The following PPIG variants were observed in gnomAD, a reference collection of about 807,000 sequenced individuals.
PPIG encodes peptidyl-prolyl cis-trans isomerase G.
Under a neutral mutation model 87.9 loss-of-function variants are expected in PPIG, and 26 were observed. The observed-to-expected ratio is 0.30, with a 90% confidence interval of 0.22 to 0.41. The LOEUF (loss-of-function observed/expected upper bound fraction) is 0.41, where lower values mean the gene tolerates loss of function less well. PPIG is among the 10% of genes least tolerant of loss of function. PPIG has a pLI of 1.00. For missense variants in PPIG, 722 were observed against 879.4 expected (o/e 0.82, Z 2.26); for synonymous variants, 308 against 276.5 (o/e 1.11, Z -1.13).
At chr2:169,601,714 T>G (rs1038423669) in intron 1 of PPIG, among the ~76,000 whole-genome samples, 3 of 152,216 alleles carry the variant, frequency 2.0e-5, no homozygotes, top group African/African-American at 7.2e-5. Context: ...GAGGAAAATA[T>G]TAGAAGATGT....
chr2:169,601,521 A>G (rs1197642354), intron 1 of PPIG, among the ~76,000 whole-genome samples: 4 of 152,210 alleles, frequency 2.6e-5, no homozygotes, highest in Non-Finnish European at 5.9e-5. Context: ...TCTTGAATAC[A>G]GTAGACTAGG....
intron 1 of PPIG, among the ~76,000 whole-genome samples, chr2:169,602,881 A>G (rs73971648): frequency 0.15 from 22,329 of 152,210 alleles, 1,781 homozygotes; most frequent in Middle Eastern, 0.21. Context: ...CTATTGGAAT[A>G]GCCTAGATAA....
intron 9 of PPIG, among the ~76,000 whole-genome samples, chr2:169,629,486 G>A (rs1384637034): frequency 6.6e-6 from 1 of 152,140 alleles, no homozygotes; most frequent in Non-Finnish European, 1.5e-5. Flanking sequence ...TGTAAGTTGT[G>A]TTTTGTTTCT....
chr2:169,633,104 C>G, intron 11 of PPIG, 56 bp from the exon 12 acceptor site: 1 of 1,303,638 alleles, frequency 7.7e-7, no homozygotes, highest in Non-Finnish European at 1.1e-6. Flanking sequence ...AGTAACATGT[C>G]TGGCCAACAA....
chr2:169,621,734 A>AT lies in PPIG; in HGVS notation c.547+7024dup, dbSNP rs34145095. Among the ~76,000 whole-genome samples the AT allele has an allele frequency of 1.7e-3, 244 of 144,674 alleles. 1 individual carries two copies. Among genetic ancestry groups the AT allele is most frequent in the South Asian group, 4.8e-3 (22 of 4,588 alleles). 94.9% of individuals were successfully genotyped at this position (144,674 alleles called of 152,430 possible). A position where few individuals can be genotyped will look rare whatever the true frequency, so the allele number is the denominator to read the frequency against. ...TCATTTATTCTCTACTTGACAACTA[A>AT]TTTTTTTTTTTTTTAATATTTTAGT... is the stretch of plus-strand genomic sequence containing the variant. On this transcript the variant is annotated intron_variant, in intron 9 of 13. Coordinates refer to ENST00000260970, the MANE Select transcript of PPIG (RefSeq NM_004792.3).
chr2:169,604,308 T>C, intron 4 of PPIG, 47 bp downstream of exon 4: 1 of 1,023,470 alleles, frequency 9.8e-7, no homozygotes, highest in South Asian at 1.5e-5. Flanking sequence ...CAGTTGACTA[T>C]GGCTTGCTTG....
intron 1 of PPIG, among the ~76,000 whole-genome samples, chr2:169,586,683 A>G (rs988498101): frequency 1.3e-5 from 2 of 152,250 alleles, no homozygotes; most frequent in African/African-American, 4.8e-5. Flanking sequence ...AGCCATTCAT[A>G]ATAAAGTACT....
At chr2:169,606,214 C>T (rs1685320131) in intron 5 of PPIG, 68 bp downstream of exon 5, 2 of 1,196,660 alleles carry the variant, frequency 1.7e-6, no homozygotes, top group South Asian at 2.5e-5. Context: ...AGACAAGTCC[C>T]TAGAAGTTTT....
chr2:169,629,519 G>A lies in PPIG; in HGVS notation c.548-1255G>A, dbSNP rs116746037. 3.1e-3 allele frequency among the ~76,000 whole-genome samples: 477 copies of A among 152,238 alleles called. 3 individuals are homozygous for A. Among genetic ancestry groups the A allele is most frequent in the African/African-American group, 0.011 (443 of 41,556 alleles). On this transcript the variant is annotated intron_variant, in intron 9 of 13. Coordinates refer to ENST00000260970, the MANE Select transcript of PPIG (RefSeq NM_004792.3). ...TCTTAATAAATTCCCTCACCATCTTGTTTTATGTTTCCTTGAAATGTATTT... is the reference window on the plus strand; with the variant it reads ...TCTTAATAAATTCCCTCACCATCTTATTTTATGTTTCCTTGAAATGTATTT...
intron 9 of PPIG, among the ~76,000 whole-genome samples, chr2:169,628,146 A>G (rs10191307): frequency 0.64 from 97,682 of 151,904 alleles, 31,988 homozygotes; most frequent in African/African-American, 0.78. Flanking sequence ...AGGCACTAAG[A>G]TTACTTACCC....
intron 10 of PPIG, 105 bp from the exon 11 acceptor site, chr2:169,631,661 G>A: frequency 1.3e-6 from 2 of 1,557,840 alleles, no homozygotes; most frequent in Non-Finnish European, 1.7e-6. Flanking sequence ...AGGACAGGAT[G>A]TTTATATTAT....
At chr2:169,605,983 T>C in intron 4 of PPIG, 56 bp from the exon 5 acceptor site, 1 of 1,293,776 alleles carries the variant, frequency 7.7e-7, no homozygotes, top group Non-Finnish European at 1.1e-6. Flanking sequence ...TTTATTTTGC[T>C]TTCATACTAC....
At chr2:169,605,574 G>A (rs1685301950) in intron 4 of PPIG, among the ~76,000 whole-genome samples, 1 of 151,846 alleles carries the variant, frequency 6.6e-6, no homozygotes, top group South Asian at 2.1e-4. Flanking sequence ...GCCGAGGTGG[G>A]TGGATCACTT....
intron 4 of PPIG, among the ~76,000 whole-genome samples, chr2:169,605,033 A>G (rs902141110): frequency 1.3e-5 from 2 of 151,816 alleles, no homozygotes; most frequent in Non-Finnish European, 2.9e-5. Flanking sequence ...CCCCATCTCT[A>G]CTAAAAATGC....
chr2:169,623,023 G>A (rs1463917623), intron 9 of PPIG, among the ~76,000 whole-genome samples: 1 of 152,036 alleles, frequency 6.6e-6, no homozygotes, highest in Admixed American at 6.6e-5. Context: ...GGGGAGTCTG[G>A]GCAATCAATC....
intron 1 of PPIG, among the ~76,000 whole-genome samples, chr2:169,588,306 A>G (rs1298908095): frequency 3.9e-5 from 6 of 152,198 alleles, no homozygotes; most frequent in African/African-American, 1.4e-4. Context: ...AAACCATTGA[A>G]TCATGGTTAT....
Position 169,637,267 on chromosome 2 carries a change from A to T in PPIG, c.2009A>T (p.Asp670Val). Residue 670 changes from aspartate to valine, a missense_variant, in exon 14 of 14, where the codon GAT (aspartate) becomes GTT (valine). Physicochemically the swap from Asp to Val is radical, Grantham distance 152. This residue lies in a region of PPIG where 476 missense variants were observed against 483.1 expected (regional missense o/e 0.99). Coordinates refer to ENST00000260970, the MANE Select transcript of PPIG (RefSeq NM_004792.3). ...SEKRMYSKSR[D>V]HNSSNNSREK... The stretch of plus-strand genomic sequence containing the variant: ...AAAAGAATGTACTCTAAAAGTCGTG[A>T]TCATAATAGCTCAAATAACAGCAGG... 1 of 1,612,196 alleles carries T rather than the reference A, an allele frequency of 6.2e-7. No homozygotes were observed. The highest frequency in any genetic ancestry group is 8.5e-7 in the Non-Finnish European group (1 of 1,179,600).
intron 1 of PPIG, among the ~76,000 whole-genome samples, chr2:169,591,141 C>T (rs973190524): frequency 6.6e-6 from 1 of 152,190 alleles, no homozygotes; most frequent in Non-Finnish European, 1.5e-5. Flanking sequence ...TTATAAATGC[C>T]ATGTCCGCTA....
At position 169,612,463 on chromosome 2, in the gene PPIG, A is replaced by C. The variant is rs573577779; in HGVS notation, c.378-2001A>C. On this transcript the variant is annotated intron_variant, in intron 7 of 13. Coordinates refer to ENST00000260970, the MANE Select transcript of PPIG (RefSeq NM_004792.3). The stretch of plus-strand genomic sequence containing the variant: ...CAGTGGCAGAATCTCGGCTCACTGC[A>C]AGCTCCACCTCCCGGGTTCACGCCA... Among the ~76,000 whole-genome samples the C allele has an allele frequency of 4.1e-5, 6 of 146,546 alleles. No homozygotes were observed. The East Asian group carries it at 1.2e-3, about 29-fold the overall frequency.
Sources: gnomAD v4.1 joint callset for allele counts (sites outside exome capture counted in the v4.1 genomes callset) on GRCh38, gnomAD v4.1.1 for gene constraint, gnomAD v4.1.1 regional missense constraint, MANE v1.5 for transcripts, NCBI Gene and HGNC (gene_info 2026-07-23, HGNC 2026-07-21) for gene names.